The following KHDRBS2 variants were observed in gnomAD, a reference collection of about 807,000 sequenced individuals.
KHDRBS2 encodes KH RNA binding domain containing, signal transduction associated 2, also known as KH domain-containing, RNA-binding, signal transduction-associated protein 2.
In KHDRBS2, 26 loss-of-function variants were observed where a neutral mutation model predicts 44.3. The ratio of observed to expected loss-of-function variants is 0.59; its 90% CI spans 0.43 to 0.81. The LOEUF (loss-of-function observed/expected upper bound fraction) is 0.81. Ranked by LOEUF, KHDRBS2 falls within the 40% of genes least tolerant of loss-of-function variation. KHDRBS2 has a pLI of 0.00. For synonymous variants in KHDRBS2, 194 were observed against 151.1 expected (o/e 1.28, Z -2.08); for missense variants, 476 against 433.1 (o/e 1.10, Z -0.88).
chr6:62,210,030 T>C (rs1828754479), intron 1 of KHDRBS2, among the ~76,000 whole-genome samples: 1 of 152,180 alleles, frequency 6.6e-6, no homozygotes, highest in South Asian at 2.1e-4. Context: ...GAGTCAATAC[T>C]TCTTAATAAA....
intron 6 of KHDRBS2, among the ~76,000 whole-genome samples, chr6:61,788,784 A>G (rs1369960872): frequency 2.6e-5 from 4 of 151,216 alleles, no homozygotes; most frequent in African/African-American, 9.7e-5. Context: ...AGAATATGCC[A>G]TTCCTAGGAA....
intron 1 of KHDRBS2, among the ~76,000 whole-genome samples, chr6:62,274,323 C>T (rs1488589355): frequency 6.6e-6 from 1 of 152,168 alleles, no homozygotes; most frequent in Non-Finnish European, 1.5e-5. Context: ...ATCCAGTCTC[C>T]AGCAATGCAG....
chr6:62,000,144 C>G (rs139480786), intron 3 of KHDRBS2, among the ~76,000 whole-genome samples: 1 of 152,022 alleles, frequency 6.6e-6, no homozygotes, highest in Non-Finnish European at 1.5e-5. Flanking sequence ...TGTGTGTATG[C>G]ACATGCACAC....
intron 2 of KHDRBS2, among the ~76,000 whole-genome samples, chr6:62,142,923 T>G (rs1813161428): frequency 6.7e-6 from 1 of 149,302 alleles, no homozygotes; most frequent in African/African-American, 2.6e-5. Context: ...TTCAATGATT[T>G]GTAACAAAGA....
chr6:61,645,550 C>T, the KHDRBS2 span, among the ~76,000 whole-genome samples: 1 of 151,214 alleles, frequency 6.6e-6, no homozygotes, highest in Non-Finnish European at 1.5e-5. Flanking sequence ...TTTGAGTAGT[C>T]CTTGGAGCTT....
intron 2 of KHDRBS2, among the ~76,000 whole-genome samples, chr6:62,058,744 T>G (rs1285786674): frequency 1.3e-5 from 2 of 151,838 alleles, no homozygotes; most frequent in Non-Finnish European, 2.9e-5. Flanking sequence ...AAAATTAATT[T>G]CATTTGGAAT....
In KHDRBS2 at chr6:62,189,650, G is replaced by A. The variant is rs528323768; in HGVS notation, c.92-12338C>T. On this transcript the variant is annotated intron_variant, in intron 1 of 8. Coordinates refer to ENST00000281156, the MANE Select transcript of KHDRBS2 (RefSeq NM_152688.4). ...TGCACTAGACCAGGTGAGATATGATGAAGGATAAAGTGTTAGAGGTAAAGG... is the reference window on the plus strand; with the variant it reads ...TGCACTAGACCAGGTGAGATATGATAAAGGATAAAGTGTTAGAGGTAAAGG... Among the ~76,000 whole-genome samples, 72 of 152,208 alleles carry A rather than the reference G, an allele frequency of 4.7e-4. 1 individual carries two copies. The highest frequency in any genetic ancestry group is 1.5e-3 in the African/African-American group (61 of 41,536).
At chr6:62,057,447 A>C (rs1314578974) in intron 2 of KHDRBS2, among the ~76,000 whole-genome samples, 2 of 152,006 alleles carry the variant, frequency 1.3e-5, no homozygotes, top group Admixed American at 6.6e-5. Context: ...ACTAGTCAAC[A>C]CAAAAGTTGT....
chr6:62,273,515 A>G (rs894074561), intron 1 of KHDRBS2, among the ~76,000 whole-genome samples: 3 of 152,176 alleles, frequency 2.0e-5, no homozygotes, highest in African/African-American at 7.2e-5. Context: ...TCCTACCTAC[A>G]TTCTAGTAAA....
At chr6:61,642,512 G>T in the KHDRBS2 span, among the ~76,000 whole-genome samples, 3 of 138,384 alleles carry the variant, frequency 2.2e-5, no homozygotes, top group Non-Finnish European at 4.8e-5. Flanking sequence ...AAAAAAAAAG[G>T]TTAGCCGGGC....
At chr6:62,129,197 C>T (rs936151344) in intron 2 of KHDRBS2, among the ~76,000 whole-genome samples, 2 of 151,944 alleles carry the variant, frequency 1.3e-5, no homozygotes, top group Non-Finnish European at 2.9e-5. Context: ...TTTAAATTTC[C>T]TCTGTTTACA....
At chr6:61,934,684 A>G (rs1810707942) in intron 4 of KHDRBS2, among the ~76,000 whole-genome samples, 1 of 152,208 alleles carries the variant, frequency 6.6e-6, no homozygotes, top group African/African-American at 2.4e-5. Flanking sequence ...AAAGAAATAA[A>G]CTTCATGTTG....
chr6:61,558,837 A>C, the KHDRBS2 span, among the ~76,000 whole-genome samples: 3 of 152,212 alleles, frequency 2.0e-5, no homozygotes, highest in African/African-American at 7.2e-5. Flanking sequence ...GGGGCCTAAC[A>C]TATGGTCTAT....
intron 1 of KHDRBS2, among the ~76,000 whole-genome samples, chr6:62,237,592 A>G (rs1196738502): frequency 1.3e-5 from 2 of 152,212 alleles, no homozygotes; most frequent in Non-Finnish European, 2.9e-5. Context: ...CCTAAGAATA[A>G]AAGTATTAGC....
At chr6:62,003,525 T>C (rs1000696274) in intron 3 of KHDRBS2, among the ~76,000 whole-genome samples, 2 of 151,964 alleles carry the variant, frequency 1.3e-5, no homozygotes, top group South Asian at 2.1e-4. Context: ...AGCAAGTCCT[T>C]AGAGACCTAC....
intron 1 of KHDRBS2, among the ~76,000 whole-genome samples, chr6:62,236,280 C>T (rs1833695195): frequency 6.6e-6 from 1 of 151,864 alleles, no homozygotes; most frequent in South Asian, 2.1e-4. Flanking sequence ...AAAAACTCTT[C>T]AGATTAATCA....
intron 6 of KHDRBS2, among the ~76,000 whole-genome samples, chr6:61,739,212 T>A (rs1421591100): frequency 2.0e-5 from 3 of 151,896 alleles, no homozygotes; most frequent in African/African-American, 7.2e-5. Context: ...AGAATCCCAA[T>A]AAATCACAGC....
intron 3 of KHDRBS2, among the ~76,000 whole-genome samples, chr6:61,986,413 T>G (rs1329019377): frequency 6.6e-6 from 1 of 152,196 alleles, no homozygotes; most frequent in Non-Finnish European, 1.5e-5. Flanking sequence ...AAATTAAATT[T>G]AAATAAAATT....
At chr6:61,894,121 C>A (rs1802493381) in intron 6 of KHDRBS2, among the ~76,000 whole-genome samples, 1 of 152,080 alleles carries the variant, frequency 6.6e-6, no homozygotes, top group Admixed American at 6.5e-5. Context: ...GGAAACACTG[C>A]ATTTTGTCTA....
Sources: gnomAD v4.1 joint callset for allele counts (sites outside exome capture counted in the v4.1 genomes callset) on GRCh38, gnomAD v4.1.1 for gene constraint, MANE v1.5 for transcripts, NCBI Gene and HGNC (gene_info 2026-07-23, HGNC 2026-07-21) for gene names.